GSN: variants seen among roughly 807,000 people sequenced by gnomAD.
GSN encodes gelsolin.
In GSN, 56 loss-of-function variants were observed where a neutral mutation model predicts 85.7. That is an observed-to-expected ratio of 0.65 (90% CI 0.53 to 0.82). The LOEUF (loss-of-function observed/expected upper bound fraction) is 0.82, where lower values mean the gene tolerates loss of function less well. Ranked by LOEUF, GSN falls within the 40% of genes least tolerant of loss-of-function variation. The pLI is 0.00. For missense variants in GSN, 857 were observed against 979.8 expected (o/e 0.87, Z 1.67); for synonymous variants, 373 against 399.1 (o/e 0.93, Z 0.78).
At chr9:121,243,144 G>A (rs2054637129) in intron 5 of GSN, among the ~76,000 whole-genome samples, 1 of 152,182 alleles carries the variant, frequency 6.6e-6, no homozygotes, top group Non-Finnish European at 1.5e-5. Context: ...GCTCCAGGGA[G>A]AATCCACTTC....
intron 4 of GSN, among the ~76,000 whole-genome samples, chr9:121,225,970 A>G (rs548282977): frequency 6.6e-6 from 1 of 152,162 alleles, no homozygotes; most frequent in East Asian, 1.9e-4. Flanking sequence ...ATGCCTGGCT[A>G]AGTTTTGTAT....
intron 4 of GSN, among the ~76,000 whole-genome samples, chr9:121,221,190 C>A (rs1212547529): frequency 2.6e-5 from 4 of 152,230 alleles, no homozygotes; most frequent in African/African-American, 9.6e-5. Context: ...TCCATGATGC[C>A]ACTTTATTGT....
chr9:121,316,993 T>C, intron 7 of GSN, 93 bp from the exon 8 acceptor site: 1 of 1,543,736 alleles, frequency 6.5e-7, no homozygotes, highest in Non-Finnish European at 8.9e-7. Flanking sequence ...TACAGGGCCA[T>C]TTGGGACAGG....
Position 121,324,655 on chromosome 9 carries a change from C to A in GSN, c.1416+11C>A. The A allele has an allele frequency of 7.3e-7, 1 of 1,368,782 alleles. No individual in the cohort carries two copies. The highest frequency in any genetic ancestry group is 1.0e-6 in the Non-Finnish European group (1 of 984,284). The allele number at this position is 1,368,782 out of a possible 1,614,324, so 84.8% of individuals were successfully genotyped here. A position where few individuals can be genotyped will look rare whatever the true frequency, so the allele number is the denominator to read the frequency against. ...GGTACCCCTGTCCAGGTGAGCCCAG[C>A]CCACCGCCTCTCTGGGCTGCAGCCT... On this transcript the variant is annotated intron_variant, in intron 12 of 17. Transcript: ENST00000432226.
At chr9:121,281,825 G>A (rs748764007) in intron 2 of GSN, 5 of 471,130 alleles carry the variant, frequency 1.1e-5, no homozygotes, top group South Asian at 6.2e-5. Flanking sequence ...CACCCTGGCT[G>A]TGCTGGTTGC....
upstream of GSN, among the ~76,000 whole-genome samples, chr9:121,204,395 T>C (rs1466915475): frequency 6.6e-6 from 1 of 152,256 alleles, no homozygotes; most frequent in Non-Finnish European, 1.5e-5. Context: ...CCCTAACTGC[T>C]GCTTTCCTAT....
At chr9:121,301,786 C>A in intron 2 of GSN, 177 bp from the exon 3 acceptor site, 1 of 901,570 alleles carries the variant, frequency 1.1e-6, no homozygotes, top group Non-Finnish European at 1.7e-6. Context: ...AACTCTTGCC[C>A]TGTTTGCTGA....
intron 2 of GSN, among the ~76,000 whole-genome samples, chr9:121,295,935 T>C (rs10760170): frequency 0.42 from 63,652 of 152,202 alleles, 14,633 homozygotes; most frequent in East Asian, 0.62. Context: ...GCCATGTGGC[T>C]CAGAGGGCAG....
At chr9:121,246,886 C>T (rs2054709853) in intron 5 of GSN, among the ~76,000 whole-genome samples, 3 of 152,176 alleles carry the variant, frequency 2.0e-5, no homozygotes. Context: ...GGAGGGCCCA[C>T]TCCTAAGTGA....
intron 4 of GSN, among the ~76,000 whole-genome samples, chr9:121,223,344 A>C (rs565846081): frequency 8.5e-5 from 13 of 152,196 alleles, no homozygotes; most frequent in East Asian, 5.8e-4. Context: ...TGTCTGACTA[A>C]CTACCTACTG....
intron 16 of GSN, among the ~76,000 whole-genome samples, chr9:121,330,166 T>C (rs2063729721): frequency 6.6e-6 from 1 of 152,246 alleles, no homozygotes; most frequent in African/African-American, 2.4e-5. Context: ...CCAACATTTA[T>C]TCAGCACCAT....
intron 4 of GSN, among the ~76,000 whole-genome samples, chr9:121,230,848 A>C (rs2054374533): frequency 6.6e-6 from 1 of 151,988 alleles, no homozygotes; most frequent in African/African-American, 2.4e-5. Context: ...AAAACAATAG[A>C]TTTAGATTCT....
At chr9:121,273,290 A>G (rs544378328) in intron 1 of GSN, among the ~76,000 whole-genome samples, 39 of 152,268 alleles carry the variant, frequency 2.6e-4, no homozygotes, top group Admixed American at 2.4e-3. Context: ...AGCAAAGTAT[A>G]TATATTCTAC....
At chr9:121,307,630 T>C (rs938460182) in intron 4 of GSN, among the ~76,000 whole-genome samples, 1 of 152,224 alleles carries the variant, frequency 6.6e-6, no homozygotes, top group African/African-American at 2.4e-5. Flanking sequence ...TATTAATAGT[T>C]CCTGCATCAG....
At chr9:121,311,270 C>A in intron 5 of GSN, 1 of 270,978 alleles carries the variant, frequency 3.7e-6, no homozygotes, top group South Asian at 4.2e-5. Context: ...TGCCCATGAT[C>A]TATGGCAATG....
upstream of GSN, among the ~76,000 whole-genome samples, chr9:121,207,517 G>T (rs1184907239): frequency 6.6e-6 from 1 of 152,160 alleles, no homozygotes; most frequent in African/African-American, 2.4e-5. Flanking sequence ...AAACATCCTT[G>T]AAAAGACAGT....
At chr9:121,304,914 C>T (rs1274265025) in intron 4 of GSN, among the ~76,000 whole-genome samples, 9 of 152,124 alleles carry the variant, frequency 5.9e-5, no homozygotes, top group Admixed American at 3.3e-4. Context: ...GGCAGGCTCA[C>T]GAAGAGTTAA....
intron 7 of GSN, among the ~76,000 whole-genome samples, chr9:121,314,451 C>G (rs1340566800): frequency 6.6e-6 from 1 of 152,166 alleles, no homozygotes; most frequent in African/African-American, 2.4e-5. Context: ...TGATTTCTTT[C>G]TTGTGATTTT....
At chr9:121,237,387 C>T (rs555337771) in intron 5 of GSN, among the ~76,000 whole-genome samples, 1 of 152,090 alleles carries the variant, frequency 6.6e-6, no homozygotes, top group South Asian at 2.1e-4. Flanking sequence ...CATAGTGAGA[C>T]CCTGTCTCTA....
Sources: gnomAD v4.1 joint callset for allele counts (sites outside exome capture counted in the v4.1 genomes callset) on GRCh38, gnomAD v4.1.1 for gene constraint, MANE v1.5 for transcripts, NCBI Gene and HGNC (gene_info 2026-07-23, HGNC 2026-07-21) for gene names.